FGF12: variants seen among roughly 807,000 people sequenced by gnomAD.
FGF12 encodes fibroblast growth factor 12.
FGF12 carries 14 observed loss-of-function variants against 23.6 expected under a neutral mutation model. The ratio of observed to expected loss-of-function variants is 0.59; its 90% CI spans 0.39 to 0.93. FGF12 has a LOEUF of 0.93. FGF12 is among the 40% of genes least tolerant of loss of function. The pLI is 0.00. For synonymous variants in FGF12, 62 were observed against 77.3 expected (o/e 0.80, Z 1.04); for missense variants, 175 against 217.8 (o/e 0.80, Z 1.24).
chr3:192,493,871 C>T (rs1367645173), intron 2 of FGF12, among the ~76,000 whole-genome samples: 2 of 152,132 alleles, frequency 1.3e-5, no homozygotes, highest in Non-Finnish European at 2.9e-5. Flanking sequence ...CTGGGAATTA[C>T]ATTTTAACCT....
chr3:192,180,982 G>C (rs1448095170), intron 4 of FGF12, among the ~76,000 whole-genome samples: 1 of 152,168 alleles, frequency 6.6e-6, no homozygotes, highest in Non-Finnish European at 1.5e-5. Flanking sequence ...AAGGTGACTT[G>C]AATTTGTGGA....
intron 2 of FGF12, among the ~76,000 whole-genome samples, chr3:192,715,363 C>G (rs1446123116): frequency 2.6e-5 from 4 of 151,966 alleles, no homozygotes; most frequent in African/African-American, 9.7e-5. Flanking sequence ...AAACAGTGTC[C>G]AGCACAATAA....
intron 2 of FGF12, among the ~76,000 whole-genome samples, chr3:192,598,368 G>A (rs961081057): frequency 1.3e-5 from 2 of 152,192 alleles, no homozygotes; most frequent in African/African-American, 4.8e-5. Flanking sequence ...TGCCTTACTA[G>A]CTGGCTGATA....
At chr3:192,405,676 G>A (rs1166220681) in intron 2 of FGF12, among the ~76,000 whole-genome samples, 1 of 152,078 alleles carries the variant, frequency 6.6e-6, no homozygotes, top group African/African-American at 2.4e-5. Context: ...TTTCTTTTTG[G>A]TGTTTAGCAA....
intron 2 of FGF12, among the ~76,000 whole-genome samples, chr3:192,385,244 C>T (rs73068599): frequency 0.017 from 2,647 of 152,032 alleles, 69 homozygotes; most frequent in African/African-American, 0.061. Flanking sequence ...TATGTTACAA[C>T]ATATCCTAAA....
chr3:192,590,332 C>T (rs1713565380), intron 2 of FGF12, among the ~76,000 whole-genome samples: 2 of 151,878 alleles, frequency 1.3e-5, no homozygotes, highest in Admixed American at 6.6e-5. Flanking sequence ...CATTGTCATA[C>T]TTTATAGATA....
intron 4 of FGF12, among the ~76,000 whole-genome samples, chr3:192,216,894 G>C (rs1275609197): frequency 1.3e-5 from 2 of 152,160 alleles, no homozygotes; most frequent in Non-Finnish European, 1.5e-5. Context: ...CTTTGTACTG[G>C]TAAGCATCTT....
chr3:192,550,986 AT>A (rs1334561298), intron 2 of FGF12, among the ~76,000 whole-genome samples: 1 of 152,158 alleles, frequency 6.6e-6, no homozygotes, highest in African/African-American at 2.4e-5. Context: ...CTAGGAATAG[AT>A]TGTGTATGCA....
chr3:192,660,968 G>T (rs1716644840), intron 2 of FGF12, among the ~76,000 whole-genome samples: 1 of 135,970 alleles, frequency 7.4e-6, no homozygotes, highest in African/African-American at 2.8e-5. Context: ...AAGTGCAGAA[G>T]AAAACCCTAG....
At chr3:192,675,685 T>C (rs1432116994) in intron 2 of FGF12, among the ~76,000 whole-genome samples, 4 of 152,198 alleles carry the variant, frequency 2.6e-5, no homozygotes, top group Non-Finnish European at 4.4e-5. Context: ...AAAGGTCACC[T>C]TACAATATTT....
intron 3 of FGF12, among the ~76,000 whole-genome samples, chr3:192,344,693 T>A (rs1198450320): frequency 6.6e-6 from 1 of 152,198 alleles, no homozygotes; most frequent in Non-Finnish European, 1.5e-5. Context: ...ATCTCTTTAT[T>A]TGATAAGGTA....
intron 2 of FGF12, among the ~76,000 whole-genome samples, chr3:192,571,447 C>T (rs1712630477): frequency 6.6e-6 from 1 of 152,230 alleles, no homozygotes; most frequent in Non-Finnish European, 1.5e-5. Context: ...GGGATCGCTG[C>T]CAGAGCGACG....
rs374380398 is a variant in FGF12, at chr3:192,408,897, C to G, written c.14-48359G>C. ...GCAGGGTGAGGTCTACAGAATGCAT[C>G]GCGCCGGCTGCGGCTTTCCAGGGGC... On this transcript the variant is annotated intron_variant, in intron 2 of 5. Coordinates refer to ENST00000445105, the MANE Select transcript of FGF12 (RefSeq NM_004113.6). The surrounding 1 kb of genome is among the most constrained non-coding windows in gnomAD (Gnocchi z 7.3). 9.6e-4 allele frequency: 944 copies of G among 985,364 alleles called. 6 individuals carry two copies. The African/African-American group carries it at 0.015, about 16-fold the overall frequency. The allele number at this position is 985,364 out of a possible 1,614,324, so 61.0% of individuals were successfully genotyped here. A position where few individuals can be genotyped will look rare whatever the true frequency, so the allele number is the denominator to read the frequency against.
chr3:192,631,806 G>C (rs1240744403), intron 2 of FGF12, among the ~76,000 whole-genome samples: 1 of 152,184 alleles, frequency 6.6e-6, no homozygotes, highest in Non-Finnish European at 1.5e-5. Context: ...TATAAACCTA[G>C]AAAAATTATT....
chr3:192,166,291 A>G (rs1351916041), intron 5 of FGF12, among the ~76,000 whole-genome samples: 9 of 152,304 alleles, frequency 5.9e-5, no homozygotes, highest in Middle Eastern at 3.4e-3. Flanking sequence ...AACCAATTTC[A>G]TGTGTTTCAT....
chr3:192,605,349 C>A (rs113507507), intron 2 of FGF12, among the ~76,000 whole-genome samples: 2 of 150,556 alleles, frequency 1.3e-5, no homozygotes, highest in African/African-American at 4.9e-5. Context: ...CCACTGCACT[C>A]CAGCCTGGGG....
intron 2 of FGF12, among the ~76,000 whole-genome samples, chr3:192,494,818 T>C (rs898150627): frequency 4.7e-5 from 7 of 149,334 alleles, no homozygotes; most frequent in African/African-American, 1.2e-4. Flanking sequence ...GAAAGTGCTG[T>C]GGGAAGAATT....
chr3:192,365,270 A>C (rs865773737), intron 2 of FGF12, among the ~76,000 whole-genome samples: 1,615 of 152,172 alleles, frequency 0.011, 24 homozygotes, highest in African/African-American at 0.037. Context: ...ATTAAAAAAA[A>C]AAAAAACTAT....
At chr3:192,382,526 T>C (rs1719863205) in intron 2 of FGF12, among the ~76,000 whole-genome samples, 1 of 151,822 alleles carries the variant, frequency 6.6e-6, no homozygotes, top group Non-Finnish European at 1.5e-5. Context: ...CTCTATTACC[T>C]ATAGCAATAA....
Sources: gnomAD v4.1 joint callset for allele counts (sites outside exome capture counted in the v4.1 genomes callset) on GRCh38, gnomAD v4.1.1 for gene constraint, Gnocchi (gnomAD v3.1) non-coding constraint, MANE v1.5 for transcripts, NCBI Gene and HGNC (gene_info 2026-07-23, HGNC 2026-07-21) for gene names.